The following CYP2B6 variants were observed in gnomAD, a reference collection of about 807,000 sequenced individuals.
CYP2B6 encodes cytochrome P450 2B6.
CYP2B6 carries 35 observed loss-of-function variants against 43.4 expected under a neutral mutation model. That is an observed-to-expected ratio of 0.81 (90% CI 0.62 to 1.07). The LOEUF (loss-of-function observed/expected upper bound fraction) is 1.07. Ranked by LOEUF, CYP2B6 falls within the 50% of genes least tolerant of loss-of-function variation. CYP2B6 has a pLI of 0.00. For synonymous variants in CYP2B6, 239 were observed against 239.2 expected (o/e 1.00, Z 0.01); for missense variants, 624 against 632.8 (o/e 0.99, Z 0.15).
chr19:41,004,952 G>T (rs757741932), intron 3 of CYP2B6, among the ~76,000 whole-genome samples: 2 of 151,950 alleles, frequency 1.3e-5, no homozygotes, highest in Non-Finnish European at 2.9e-5. Flanking sequence ...AGCTGTGATT[G>T]TACCACTGCA....
At chr19:41,015,890 C>T (rs1969355101) in intron 8 of CYP2B6, among the ~76,000 whole-genome samples, 1 of 151,848 alleles carries the variant, frequency 6.6e-6, no homozygotes, top group African/African-American at 2.4e-5. Flanking sequence ...ACAATTGTCT[C>T]CTTTAACCTC....
rs192954396 is a variant in CYP2B6, at chr19:40,992,717, G to A, written c.171+1241G>A. ...GTATTTTTTGTAGAGACAGGGTTTT[G>A]CCATGTTGCCCAGACTGGTCTTAAA... On this transcript the variant is annotated intron_variant, in intron 1 of 8. Transcript: ENST00000324071. Among the ~76,000 whole-genome samples the A allele has an allele frequency of 1.1e-4, 17 of 152,062 alleles. No homozygotes were observed. In the East Asian group the frequency reaches 3.1e-3, roughly 28 times the overall value.
intron 4 of CYP2B6, 95 bp downstream of exon 4, chr19:41,007,160 C>A: frequency 1.6e-6 from 2 of 1,262,814 alleles, no homozygotes; most frequent in Non-Finnish European, 2.3e-6. Flanking sequence ...CTCAGAAATG[C>A]AGCTTATCCT....
rs1451234674 is a variant in CYP2B6, at chr19:41,008,380, T to A, written c.646-839T>A. Among the ~76,000 whole-genome samples the A allele has an allele frequency of 2.8e-5, 4 of 141,068 alleles. No individual in the cohort carries two copies. In the East Asian group the frequency reaches 6.1e-4, roughly 21 times the overall value. 92.5% of individuals were successfully genotyped at this position (141,068 alleles called of 152,430 possible). Reference sequence around the variant, plus strand: ...GCGAGCGCCACCACACCCAGCTAATTTTTTTGTATTTTTAGTAGAGATGGT... The same window carrying A: ...GCGAGCGCCACCACACCCAGCTAATATTTTTGTATTTTTAGTAGAGATGGT... On this transcript the variant is annotated intron_variant, in intron 4 of 8. Transcript: ENST00000324071.
In CYP2B6 at chr19:41,016,918, C is replaced by A; in HGVS notation, c.*91C>A. 1.4e-6 allele frequency: 2 copies of A among 1,383,356 alleles called. No individual in the cohort carries two copies. The highest frequency in any genetic ancestry group is 2.0e-6 in the Non-Finnish European group (2 of 1,007,648). The allele number at this position is 1,383,356 out of a possible 1,614,324, so 85.7% of individuals were successfully genotyped here. A position where few individuals can be genotyped will look rare whatever the true frequency, so the allele number is the denominator to read the frequency against. The stretch of plus-strand genomic sequence containing the variant: ...GGCTCTGACTCCCCGCAACTTCCTG[C>A]CTCTGAGAGACCTGCTACAAGCCAG... On this transcript the variant is annotated 3_prime_UTR_variant, in exon 9 of 9. Coordinates refer to ENST00000324071, the MANE Select transcript of CYP2B6 (RefSeq NM_000767.5).
Position 41,009,200 on chromosome 19 carries a change from C to G in CYP2B6, c.646-19C>G, listed in dbSNP as rs752197895. ...TAGCTCAGCCCTAGGCAAACCTCAC[C>G]ACCCCTTCTTTCTTGCAGCTGTTTG... On this transcript the variant is annotated intron_variant, in intron 4 of 8. Transcript: ENST00000324071. 48 of 1,606,468 alleles carry G rather than the reference C, an allele frequency of 3.0e-5. No homozygotes were observed. The African/African-American group carries it at 6.1e-4, about 20-fold the overall frequency.
In CYP2B6 at chr19:41,012,295, C is replaced by T; in HGVS notation, c.965-3C>T. 1 of 1,613,928 alleles carries T rather than the reference C, an allele frequency of 6.2e-7. No individual in the cohort carries two copies. The highest frequency in any genetic ancestry group is 1.1e-5 in the South Asian group (1 of 91,076). On this transcript the variant is annotated splice_region_variant and splice_polypyrimidine_tract_variant and intron_variant, in intron 6 of 8. Coordinates refer to ENST00000324071, the MANE Select transcript of CYP2B6 (RefSeq NM_000767.5). ...AGATTCATTGGTCTTCTTTTCTGTA[C>T]AGAGAGAGTCTACAGGGAGATTGAA...
intron 1 of CYP2B6, among the ~76,000 whole-genome samples, chr19:40,997,407 C>T (rs1969013696): frequency 6.6e-6 from 1 of 152,086 alleles, no homozygotes; most frequent in Non-Finnish European, 1.5e-5. Context: ...TTCCCCCTCC[C>T]ATGTTGACCA....
Position 41,016,800 on chromosome 19 carries a change from A to T in CYP2B6, c.1449A>T (p.Thr483=). The T allele has an allele frequency of 6.2e-7, 1 of 1,614,054 alleles. No homozygotes were observed. The highest frequency in any genetic ancestry group is 8.5e-7 in the Non-Finnish European group (1 of 1,179,960). The change falls in exon 9 of 9, where the codon ACA becomes ACT. Residue 483 remains threonine, a synonymous_variant. Transcript: ENST00000324071. ...GTGGTGTGGGCAAAATACCCCCAAC[A>T]TACCAGATCCGCTTCCTGCCCCGCT... ...QECGVGKIPP[T]YQIRFLPR
Position 40,991,338 on chromosome 19 carries a change from C to T in CYP2B6, c.33C>T (p.Leu11=), listed in dbSNP as rs1298292767. 1 of 1,614,114 alleles carries T rather than the reference C, an allele frequency of 6.2e-7. No homozygotes were observed. Among genetic ancestry groups the T allele is most frequent in the East Asian group, 2.2e-5 (1 of 44,882 alleles). Residue 11 remains leucine (L), a synonymous_variant, in exon 1 of 9, where the codon CTC becomes CTT. Coordinates refer to ENST00000324071, the MANE Select transcript of CYP2B6 (RefSeq NM_000767.5). ...TCAGCGTCCTCCTCTTCCTTGCACT[C>T]CTCACAGGACTCTTGCTACTCCTGG... MELSVLLFLA[L]LTGLLLLLVQ...
At chr19:41,011,973 G>A (rs1969291424) in intron 6 of CYP2B6, among the ~76,000 whole-genome samples, 1 of 152,016 alleles carries the variant, frequency 6.6e-6, no homozygotes, top group Non-Finnish European at 1.5e-5. Context: ...TTTTGAGATG[G>A]AGTCTTGCTC....
At position 41,010,136 on chromosome 19, in the gene CYP2B6, G is replaced by T; in HGVS notation, c.964+1G>T. On this transcript the variant is annotated splice_donor_variant, in intron 6 of 8. Coordinates refer to ENST00000324071, the MANE Select transcript of CYP2B6 (RefSeq NM_000767.5). LOFTEE classifies it high-confidence loss of function. ...ATGCTCAAATACCCTCATGTTGCAG[G>T]TGGGCCAGGGACAGCCAGTCAAGGG... The T allele has an allele frequency of 6.2e-7, 1 of 1,612,830 alleles. No individual in the cohort carries two copies. Among genetic ancestry groups the T allele is most frequent in the Non-Finnish European group, 8.5e-7 (1 of 1,179,980 alleles).
At chr19:41,003,371 G>C (rs1439815919) in intron 1 of CYP2B6, among the ~76,000 whole-genome samples, 3 of 152,052 alleles carry the variant, frequency 2.0e-5, no homozygotes. Flanking sequence ...ATTCGTGTCC[G>C]GGGTGGGACA....
At chr19:41,008,690 A>AT (rs1262675332) in intron 4 of CYP2B6, among the ~76,000 whole-genome samples, 1 of 152,066 alleles carries the variant, frequency 6.6e-6, no homozygotes, top group African/African-American at 2.4e-5. Flanking sequence ...TAAGAAGGAA[A>AT]TTTACATCTG....
chr19:41,011,496 A>G (rs1366142815), intron 6 of CYP2B6, among the ~76,000 whole-genome samples: 1 of 152,218 alleles, frequency 6.6e-6, no homozygotes, highest in Admixed American at 6.5e-5. Context: ...TCATTTATTC[A>G]TCAATCTTTC....
intron 8 of CYP2B6, 71 bp downstream of exon 8, chr19:41,012,886 C>G (rs185532059): frequency 6.6e-7 from 1 of 1,520,944 alleles, no homozygotes; most frequent in Non-Finnish European, 9.1e-7. Flanking sequence ...AGAAAAACAA[C>G]GAGAGATACT....
intron 1 of CYP2B6, among the ~76,000 whole-genome samples, chr19:40,993,442 A>T (rs1235975074): frequency 2.6e-5 from 4 of 152,160 alleles, no homozygotes; most frequent in Admixed American, 2.0e-4. Context: ...AGAAGCAAGT[A>T]CCTTCTTCAC....
chr19:41,004,437 A>T lies in CYP2B6; in HGVS notation c.475A>T (p.Lys159Ter). Residue 159 changes from lysine to a stop codon, truncating the protein, a stop_gained, in exon 3 of 9, where the codon AAA becomes TAA. Transcript: ENST00000324071. LOFTEE classifies it high-confidence loss of function. ...EAQCLIEELR[K>*]SKGALMDPTF... ...TCAGTGTCTGATAGAGGAGCTTCGG[A>T]AATCCAAGGGTGAGTCCTGGGGGAT... 2 of 1,613,848 alleles carry T rather than the reference A, an allele frequency of 1.2e-6. No homozygotes were observed. Among genetic ancestry groups the T allele is most frequent in the African/African-American group, 1.3e-5 (1 of 74,946 alleles).
At position 41,016,866 on chromosome 19, in the gene CYP2B6, T is replaced by C; in HGVS notation, c.*39T>C. 1 of 1,580,204 alleles carries C rather than the reference T, an allele frequency of 6.3e-7. No homozygotes were observed. The highest frequency in any genetic ancestry group is 1.1e-5 in the South Asian group (1 of 88,710). ...AGGGGGTCAAAGGATTCCAGGGTCATTCAGTGTCCCCGCCTCTGTAGACAA... is the reference window on the plus strand; with the variant it reads ...AGGGGGTCAAAGGATTCCAGGGTCACTCAGTGTCCCCGCCTCTGTAGACAA... On this transcript the variant is annotated 3_prime_UTR_variant, in exon 9 of 9. Transcript: ENST00000324071.
Sources: allele counts gnomAD v4.1 joint callset (sites outside exome capture counted in the v4.1 genomes callset), GRCh38; gene constraint gnomAD v4.1.1; transcripts MANE v1.5; gene names NCBI Gene and HGNC (gene_info 2026-07-23, HGNC 2026-07-21).